The following ASTN1 variants were observed in gnomAD, a reference collection of about 807,000 sequenced individuals.
ASTN1 encodes the protein astrotactin 1.
In ASTN1, 41 loss-of-function variants were observed where a neutral mutation model predicts 140.7. The observed-to-expected ratio is 0.29, with a 90% CI of 0.23 to 0.38. The LOEUF is 0.38. Ranked by LOEUF, ASTN1 falls within the 10% of genes least tolerant of loss-of-function variation. The probability of loss-of-function intolerance (pLI) is 1.00; values close to 1 mark genes in which losing one functional copy is unlikely to be tolerated. For missense variants in ASTN1, 1,479 were observed against 1,678.8 expected, an observed-to-expected ratio of 0.88 and a Z score of 2.08; for synonymous variants, 640 against 652.2, an observed-to-expected ratio of 0.98 and a Z score of 0.29.
At chr1:176,951,827 A>T (rs1256609416) in intron 11 of ASTN1, among the ~76,000 whole-genome samples, 3 of 152,246 alleles carry the variant, frequency 2.0e-5, no homozygotes, top group African/African-American at 7.2e-5. Flanking sequence ...ATAAAGCCAA[A>T]AATAGTATTA....
intron 1 of ASTN1, among the ~76,000 whole-genome samples, chr1:177,153,821 T>C (rs1571859770): frequency 1.3e-5 from 2 of 152,248 alleles, no homozygotes; most frequent in South Asian, 4.2e-4. Flanking sequence ...GTCAAAGAGA[T>C]AACCTCCCTC....
At chr1:177,042,390 G>A (rs1231854248) in intron 2 of ASTN1, among the ~76,000 whole-genome samples, 1 of 152,108 alleles carries the variant, frequency 6.6e-6, no homozygotes, top group Non-Finnish European at 1.5e-5. Context: ...CACAGCTGAT[G>A]GTTAGTTTTG....
chr1:177,021,930 C>G (rs1347083307), intron 7 of ASTN1, among the ~76,000 whole-genome samples: 1 of 152,194 alleles, frequency 6.6e-6, no homozygotes, highest in Non-Finnish European at 1.5e-5. Context: ...GGGCATGGTA[C>G]ACAGCCCATC....
chr1:176,889,066 C>G (rs1344224187), intron 17 of ASTN1, among the ~76,000 whole-genome samples: 1 of 152,208 alleles, frequency 6.6e-6, no homozygotes, highest in African/African-American at 2.4e-5. Flanking sequence ...GTAACCATCA[C>G]AGAACCTAGC....
chr1:176,953,720 G>A (rs754091882), intron 11 of ASTN1, among the ~76,000 whole-genome samples: 10 of 152,134 alleles, frequency 6.6e-5, no homozygotes, highest in Non-Finnish European at 1.3e-4. Flanking sequence ...TGGAGGGAAG[G>A]GCGGCAGGGT....
intron 8 of ASTN1, among the ~76,000 whole-genome samples, chr1:177,003,275 TAAA>T (rs11414408): frequency 3.3e-4 from 48 of 146,702 alleles, no homozygotes; most frequent in Non-Finnish European, 6.1e-4. Context: ...AACAACACAT[TAAA>T]AAAAAAAAAT....
At chr1:177,161,119 C>T (rs72720739) in intron 1 of ASTN1, among the ~76,000 whole-genome samples, 8,427 of 152,234 alleles carry the variant, frequency 0.055, 244 homozygotes, top group African/African-American at 0.065. Flanking sequence ...TTATACCACA[C>T]GCAAAACTGC....
chr1:177,089,974 T>C (rs1435902294), intron 1 of ASTN1, among the ~76,000 whole-genome samples: 1 of 151,858 alleles, frequency 6.6e-6, no homozygotes, highest in African/African-American at 2.4e-5. Context: ...AATCTGGCCT[T>C]ACTCACATGA....
rs533931100 is a variant in ASTN1, at chr1:176,958,413, T to A, written c.1668A>T (p.Glu556Asp). 1.9e-6 allele frequency: 3 copies of A among 1,614,126 alleles called. No homozygotes were observed. The South Asian group carries it at 3.3e-5, about 18-fold the overall frequency. Reference sequence around the variant, plus strand: ...ACTTTGCTGATGGATTGATGGCCAGTTCGGCTGGTGGAATCACAAAGCTCT... The same window carrying A: ...ACTTTGCTGATGGATTGATGGCCAGATCGGCTGGTGGAATCACAAAGCTCT... ...LSKSFVIPPA[E>D]LAINPSAKCK... Residue 556 changes from glutamate (E) to aspartate (D), a missense_variant, in exon 10 of 23, where the codon GAA becomes GAT. Glu to Asp is a conservative substitution (Grantham distance 45). This residue lies in a region of ASTN1 where 729 missense variants were observed against 860.4 expected (regional missense o/e 0.85). Coordinates refer to ENST00000361833, the MANE Select transcript of ASTN1 (RefSeq NM_004319.3).
intron 8 of ASTN1, among the ~76,000 whole-genome samples, chr1:176,996,612 AG>A (rs1452985655): frequency 6.6e-6 from 1 of 152,194 alleles, no homozygotes; most frequent in Non-Finnish European, 1.5e-5. Context: ...ATTGCAGTTC[AG>A]GGCCAGAGGA....
intron 1 of ASTN1, among the ~76,000 whole-genome samples, chr1:177,142,640 A>G (rs1682524739): frequency 6.6e-6 from 1 of 152,202 alleles, no homozygotes; most frequent in African/African-American, 2.4e-5. Context: ...AGGGAAAGGA[A>G]GAGGATCTTA....
At chr1:177,121,586 G>C (rs780593535) in intron 1 of ASTN1, among the ~76,000 whole-genome samples, 1 of 152,028 alleles carries the variant, frequency 6.6e-6, no homozygotes, top group East Asian at 1.9e-4. Flanking sequence ...GTAAAATAAG[G>C]TATAGAGCAT....
At position 176,868,878 on chromosome 1, in the gene ASTN1, A is replaced by C. The variant is rs762219989; in HGVS notation, c.3613T>G (p.Phe1205Val). 2 of 1,607,980 alleles carry C rather than the reference A, an allele frequency of 1.2e-6. No individual in the cohort carries two copies. The highest frequency in any genetic ancestry group is 2.2e-5 in the South Asian group (2 of 89,934). The change falls in exon 22 of 23, where the codon TTC becomes GTC. Residue 1205 changes from phenylalanine to valine, a missense_variant. Around this residue, in one of 3 missense-constraint regions of ASTN1, gnomAD observed 746 missense variants for 800.9 expected, o/e 0.93. Transcript: ENST00000361833. ...YNQHYESFGEFTWRCEDELGP... is the reference protein window; with the variant it reads ...YNQHYESFGEVTWRCEDELGP... ...AACTCATCCTCACATCGCCAGGTGA[A>C]TTCCCCAAAACTCTCATAGTGCTGG...
In ASTN1 at chr1:177,149,624, ACT is replaced by A. The variant is rs1491304173; in HGVS notation, c.283+14768_283+14769del. ...GTATATATATAGTAAATATATATACACTGTATATATATAGTAAATATATATAC... is the reference window on the plus strand; with the variant it reads ...GTATATATATAGTAAATATATATACAGTATATATATAGTAAATATATATAC... On this transcript the variant is annotated intron_variant, in intron 1 of 22. Transcript: ENST00000361833. 3.4e-4 allele frequency among the ~76,000 whole-genome samples: 31 copies of A among 90,594 alleles called. 3 individuals are homozygous for A. The South Asian group carries it at 4.7e-3, about 14-fold the overall frequency. 59.4% of individuals were successfully genotyped at this position (90,594 alleles called of 152,430 possible). A position where few individuals can be genotyped will look rare whatever the true frequency, so the allele number is the denominator to read the frequency against.
In ASTN1 at chr1:176,947,739, C is replaced by T. The variant is rs1405633546; in HGVS notation, c.2054+1446G>A. On this transcript the variant is annotated intron_variant, in intron 12 of 22. Transcript: ENST00000361833. ...CCACCTTGAACATCTGGACAGCTTC[C>T]CCTTTCACACTGCCTCATCTTCCTC... is the stretch of plus-strand genomic sequence containing the variant. Among the ~76,000 whole-genome samples the T allele has an allele frequency of 4.3e-4, 65 of 152,172 alleles. 1 individual carries two copies. The highest frequency in any genetic ancestry group is 4.2e-3 in the Admixed American group (64 of 15,274).
At chr1:176,952,289 A>G (rs1304401520) in intron 11 of ASTN1, among the ~76,000 whole-genome samples, 1 of 151,876 alleles carries the variant, frequency 6.6e-6, no homozygotes, top group Non-Finnish European at 1.5e-5. Flanking sequence ...ACACACACAC[A>G]CACGCACATG....
In ASTN1 at chr1:177,149,627, GTATATATATAGTAAATATATATACAC is replaced by G. The variant is rs1342207231; in HGVS notation, c.283+14741_283+14766del. On this transcript the variant is annotated intron_variant, in intron 1 of 22. Transcript: ENST00000361833. ...TATATATAGTAAATATATATACACT[GTATATATATAGTAAATATATATACAC>G]TGTATATATATAGTAAATATATATA... Among the ~76,000 whole-genome samples the G allele has an allele frequency of 3.3e-4, 27 of 82,416 alleles. 3 individuals carry two copies. In the South Asian group the frequency reaches 5.1e-3, roughly 16 times the overall value. The allele number at this position is 82,416 out of a possible 152,430, so 54.1% of individuals were successfully genotyped here. A position where few individuals can be genotyped will look rare whatever the true frequency, so the allele number is the denominator to read the frequency against.
At chr1:177,149,134 G>A (rs1682862166) in intron 1 of ASTN1, among the ~76,000 whole-genome samples, 2 of 125,786 alleles carry the variant, frequency 1.6e-5, no homozygotes, top group Admixed American at 9.0e-5. Context: ...TATATATAGT[G>A]CATATATATA....
chr1:176,967,926 G>A (rs1399475661), intron 8 of ASTN1, among the ~76,000 whole-genome samples: 5 of 151,168 alleles, frequency 3.3e-5, no homozygotes, highest in Non-Finnish European at 7.4e-5. Flanking sequence ...TTTAGAGGCA[G>A]GAGTGTAGTG....
Sources: gnomAD v4.1 joint callset for allele counts (sites outside exome capture counted in the v4.1 genomes callset) on GRCh38, gnomAD v4.1.1 for gene constraint, gnomAD v4.1.1 regional missense constraint, MANE v1.5 for transcripts, NCBI Gene and HGNC (gene_info 2026-07-23, HGNC 2026-07-21) for gene names.